PHF8: variants seen among roughly 807,000 people sequenced by gnomAD.
PHF8 encodes the protein histone lysine demethylase PHF8.
PHF8 carries 9 observed loss-of-function variants against 74.4 expected under a neutral mutation model. The observed-to-expected ratio is 0.12, with a 90% CI of 0.07 to 0.21. PHF8 has a LOEUF of 0.21. Ranked by LOEUF, PHF8 falls within the 10% of genes least tolerant of loss-of-function variation. The pLI is 1.00. For synonymous variants in PHF8, 311 were observed against 316.6 expected (o/e 0.98, Z 0.19); for missense variants, 478 against 816.6 (o/e 0.59, Z 5.05).
intron 18 of PHF8, among the ~76,000 whole-genome samples, chrX:53,966,601 G>A (rs781850062): frequency 1.5e-4 from 17 of 111,845 alleles, no homozygotes; most frequent in East Asian, 1.4e-3. Flanking sequence ...CCTCCCAGCC[G>A]CCTGCCTTGG....
Position 53,939,672 on chromosome X carries a change from C to T in PHF8, c.2987-426G>A, listed in dbSNP as rs1320919498. Among the ~76,000 whole-genome samples the T allele has an allele frequency of 2.7e-5, 3 of 111,162 alleles. No homozygotes were observed. In the East Asian group the frequency reaches 8.5e-4, roughly 32 times the overall value. Reference sequence around the variant, plus strand: ...TTGCTTCATTAGAAACTCTCATCTTCATCAGCCTTCAACATCACACCAACC... The same window carrying T: ...TTGCTTCATTAGAAACTCTCATCTTTATCAGCCTTCAACATCACACCAACC... On this transcript the variant is annotated intron_variant, in intron 21 of 21. Coordinates refer to ENST00000338154, the MANE Select transcript of PHF8 (RefSeq NM_015107.3).
At chrX:53,955,176 A>G (rs1435256167) in intron 19 of PHF8, among the ~76,000 whole-genome samples, 4 of 111,442 alleles carry the variant, frequency 3.6e-5, no homozygotes, top group African/African-American at 1.3e-4. Context: ...TTCTCTTATC[A>G]GTATTAGCAG....
Position 53,980,462 on chromosome X carries a change from AG to A in PHF8, c.2443+4451del, listed in dbSNP as rs782520701. 4.5e-3 allele frequency among the ~76,000 whole-genome samples: 505 copies of A among 111,014 alleles called. 4 individuals are homozygous for A. Among genetic ancestry groups the A allele is most frequent in the African/African-American group, 0.016 (488 of 30,534 alleles). ...TCTGCAAGCCAAGCAGAGAGACCTCAGGAAAAACCAACTCTGCCAGCACCTT... is the reference window on the plus strand; with the variant it reads ...TCTGCAAGCCAAGCAGAGAGACCTCAGAAAAACCAACTCTGCCAGCACCTT... On this transcript the variant is annotated intron_variant, in intron 18 of 21. Coordinates refer to ENST00000338154, the MANE Select transcript of PHF8 (RefSeq NM_015107.3).
At chrX:53,979,193 C>G (rs1301108583) in intron 18 of PHF8, among the ~76,000 whole-genome samples, 1 of 111,416 alleles carries the variant, frequency 9.0e-6, no homozygotes, top group Admixed American at 9.6e-5. Flanking sequence ...CCAGCCTGGC[C>G]AATATGTTGA....
intron 2 of PHF8, among the ~76,000 whole-genome samples, chrX:54,031,562 CACAG>C (rs1323924046): frequency 6.5e-5 from 7 of 106,887 alleles, no homozygotes; most frequent in Non-Finnish European, 1.9e-5. Flanking sequence ...CTGACATGCA[CACAG>C]ACAGACTGTT....
chrX:54,019,787 C>CAAAA (rs781792263), intron 4 of PHF8, among the ~76,000 whole-genome samples: 49 of 26,075 alleles, frequency 1.9e-3, no homozygotes, highest in East Asian at 3.6e-3. Context: ...GACACCGCCT[C>CAAAA]AAAAAAAAAA....
At chrX:53,942,945 G>C in intron 20 of PHF8, 1 of 753,485 alleles carries the variant, frequency 1.3e-6, no homozygotes, top group Non-Finnish European at 1.6e-6. Flanking sequence ...AGGACTTTAA[G>C]AGGGCTTTGT....
chrX:54,042,557 G>T, intron 2 of PHF8, 74 bp downstream of exon 2: 1 of 914,524 alleles, frequency 1.1e-6, no homozygotes, highest in Non-Finnish European at 1.6e-6. Flanking sequence ...TAAAAACAGA[G>T]CTGAGAAAGG....
At chrX:53,961,802 G>A (rs1204682060) in intron 19 of PHF8, among the ~76,000 whole-genome samples, 2 of 111,043 alleles carry the variant, frequency 1.8e-5, no homozygotes, top group East Asian at 5.6e-4. Flanking sequence ...AAATCCCAAT[G>A]ACCTCTATGG....
chrX:53,939,486 C>T (rs1349351578), intron 21 of PHF8, among the ~76,000 whole-genome samples: 1 of 111,013 alleles, frequency 9.0e-6, no homozygotes, highest in Non-Finnish European at 1.9e-5. Flanking sequence ...TTGTCTAGTT[C>T]TTTTTCTCCA....
chrX:53,988,212 A>G (rs1766168530), intron 14 of PHF8, among the ~76,000 whole-genome samples: 1 of 112,309 alleles, frequency 8.9e-6, no homozygotes, highest in African/African-American at 3.2e-5. Context: ...GCAATGCAAT[A>G]CCAGCATAAA....
chrX:54,036,721 G>A (rs1557114336), intron 2 of PHF8, among the ~76,000 whole-genome samples: 1 of 108,798 alleles, frequency 9.2e-6, no homozygotes, highest in Non-Finnish European at 1.9e-5. Context: ...AAGAAAGGCC[G>A]GGTGCTGTGG....
chrX:53,965,905 G>A (rs1014031325), intron 18 of PHF8, among the ~76,000 whole-genome samples: 19 of 109,729 alleles, frequency 1.7e-4, no homozygotes, highest in Middle Eastern at 4.7e-3. Flanking sequence ...GCCCATTTAC[G>A]GGGGAAAAAA....
At chrX:54,030,459 G>A (rs1440539712) in intron 2 of PHF8, among the ~76,000 whole-genome samples, 7 of 111,768 alleles carry the variant, frequency 6.3e-5, no homozygotes, top group African/African-American at 2.0e-4. Context: ...CCAAGCACAC[G>A]GTAAGCAGTA....
chrX:54,032,076 C>G (rs781807779), intron 2 of PHF8, among the ~76,000 whole-genome samples: 1 of 111,580 alleles, frequency 9.0e-6, no homozygotes, highest in Non-Finnish European at 1.9e-5. Flanking sequence ...AGAGCCAAAA[C>G]CTAAATCAGA....
chrX:53,937,508 T>A lies in PHF8; in HGVS notation c.*1650A>T. Reference sequence around the variant, plus strand: ...TGGGCAGAAACAGAGGGGAGGGGAGTAGGGACTCACGTGCTAGGGGGGAGG... The same window carrying A: ...TGGGCAGAAACAGAGGGGAGGGGAGAAGGGACTCACGTGCTAGGGGGGAGG... On this transcript the variant is annotated 3_prime_UTR_variant, in exon 22 of 22. Transcript: ENST00000338154. 8.7e-6 allele frequency: 1 copy of A among 114,286 alleles called. No individual in the cohort carries two copies. The highest frequency in any genetic ancestry group is 1.8e-5 in the Non-Finnish European group (1 of 54,813). 9.4% of individuals were successfully genotyped at this position (114,286 alleles called of 1,213,427 possible). A position where few individuals can be genotyped will look rare whatever the true frequency, so the allele number is the denominator to read the frequency against.
At chrX:53,980,532 C>G (rs1603311015) in intron 18 of PHF8, among the ~76,000 whole-genome samples, 1 of 111,934 alleles carries the variant, frequency 8.9e-6, no homozygotes, top group Non-Finnish European at 1.9e-5. Flanking sequence ...AAATAACTTT[C>G]TGTTGTTTAA....
chrX:53,940,880 T>C (rs1557083322), intron 20 of PHF8, among the ~76,000 whole-genome samples: 2 of 112,471 alleles, frequency 1.8e-5, no homozygotes, highest in Non-Finnish European at 3.7e-5. Context: ...TTATATACTT[T>C]ATCTCATTTA....
chrX:53,984,120 G>A (rs2065522240), intron 18 of PHF8, among the ~76,000 whole-genome samples: 2 of 112,377 alleles, frequency 1.8e-5, no homozygotes. Flanking sequence ...CCAGCACTTT[G>A]GGACGCCAAG....
Sources: allele counts gnomAD v4.1 joint callset (sites outside exome capture counted in the v4.1 genomes callset), GRCh38; gene constraint gnomAD v4.1.1; transcripts MANE v1.5; gene names NCBI Gene and HGNC (gene_info 2026-07-23, HGNC 2026-07-21).